The following FRMPD4 variants were observed in gnomAD, a reference collection of about 807,000 sequenced individuals.
FRMPD4 encodes FERM and PDZ domain-containing protein 4.
Under a neutral mutation model 94.1 loss-of-function variants are expected in FRMPD4, and 22 were observed. The ratio of observed to expected loss-of-function variants is 0.23; its 90% CI spans 0.17 to 0.33. FRMPD4 has a LOEUF of 0.33. Ranked by LOEUF, FRMPD4 falls within the 10% of genes least tolerant of loss-of-function variation. The probability of loss-of-function intolerance (pLI) is 1.00; values close to 1 mark genes in which losing one functional copy is unlikely to be tolerated. For missense variants in FRMPD4, 1,111 were observed against 1,339.9 expected (o/e 0.83, Z 2.67); for synonymous variants, 631 against 548.6 (o/e 1.15, Z -2.10).
intron 1 of FRMPD4, among the ~76,000 whole-genome samples, chrX:11,826,497 C>T (rs1006441798): frequency 9.0e-6 from 1 of 111,647 alleles, no homozygotes; most frequent in African/African-American, 3.3e-5. Flanking sequence ...GCTGATTGAA[C>T]AGGAAGGATA....
chrX:11,979,129 A>G (rs1329060662), intron 3 of FRMPD4, among the ~76,000 whole-genome samples: 1 of 111,397 alleles, frequency 9.0e-6, no homozygotes, highest in African/African-American at 3.3e-5. Context: ...CCACTCCCCA[A>G]GTACCGCTTC....
chrX:11,848,620 T>C (rs2053599154), intron 1 of FRMPD4, among the ~76,000 whole-genome samples: 1 of 109,838 alleles, frequency 9.1e-6, no homozygotes, highest in African/African-American at 3.3e-5. Context: ...CTGCTGTGCA[T>C]GTGCAGACTC....
chrX:12,270,596 T>C (rs1324027825), intron 1 of FRMPD4, among the ~76,000 whole-genome samples: 1 of 112,072 alleles, frequency 8.9e-6, no homozygotes, highest in Non-Finnish European at 1.9e-5. Context: ...GAGATAGATA[T>C]ATACATATAT....
At chrX:11,887,380 T>G (rs889269930) in intron 3 of FRMPD4, among the ~76,000 whole-genome samples, 4 of 111,110 alleles carry the variant, frequency 3.6e-5, no homozygotes, top group African/African-American at 1.3e-4. Flanking sequence ...CCACACCCTG[T>G]TCCCACATAC....
chrX:12,022,732 C>T (rs2054638360), intron 3 of FRMPD4, among the ~76,000 whole-genome samples: 1 of 111,569 alleles, frequency 9.0e-6, no homozygotes, highest in South Asian at 3.8e-4. Context: ...TGTATTTCTT[C>T]TACCGCCAAT....
intron 3 of FRMPD4, among the ~76,000 whole-genome samples, chrX:12,001,317 A>G (rs748568370): frequency 5.4e-4 from 61 of 112,345 alleles, no homozygotes; most frequent in Non-Finnish European, 1.0e-3. Context: ...TTCAAGGTGG[A>G]TCATGTGAAA....
rs367869996 is a variant in FRMPD4 at position 11,986,270 on chromosome X, T to C, written c.95+108252T>C. On this transcript the variant is annotated intron_variant, in intron 3 of 18. Transcript: ENST00000640291. ...ATCTCTGCTGGGTAATCCAAAGAAT[T>C]CTCCCAGATTTTATCCAAAACACAT... Among the ~76,000 whole-genome samples, 6 of 111,995 alleles carry C rather than the reference T, an allele frequency of 5.4e-5. No individual in the cohort carries two copies. In the East Asian group the frequency reaches 1.1e-3, roughly 21 times the overall value.
intron 1 of FRMPD4, among the ~76,000 whole-genome samples, chrX:11,844,235 G>C (rs1158652324): frequency 9.3e-6 from 1 of 107,951 alleles, no homozygotes; most frequent in African/African-American, 3.4e-5. Flanking sequence ...GACCTCAAGT[G>C]ATCCACCTGC....
chrX:11,930,122 A>AG (rs1569128024), intron 3 of FRMPD4, among the ~76,000 whole-genome samples: 1 of 102,436 alleles, frequency 9.8e-6, no homozygotes, highest in Non-Finnish European at 2.0e-5. Flanking sequence ...AAAAAAAAAA[A>AG]AAAAAAAAAA....
rs746340225 is a variant in FRMPD4 at position 11,884,598 on chromosome X, C to T, written c.95+6580C>T. ...TTATATATACACACATATACATATACACACAAACACACATACACATAATAT... is the reference window on the plus strand; with the variant it reads ...TTATATATACACACATATACATATATACACAAACACACATACACATAATAT... On this transcript the variant is annotated intron_variant, in intron 3 of 18. Transcript: ENST00000640291. 2.0e-4 allele frequency among the ~76,000 whole-genome samples: 22 copies of T among 111,179 alleles called. No homozygotes were observed. The South Asian group carries it at 8.4e-3, about 42-fold the overall frequency.
rs2055636462 is a variant in FRMPD4, at chrX:12,138,659, G to T, written c.-313G>T. The stretch of plus-strand genomic sequence containing the variant: ...CCCCGGGGCTAGAGCGCACGGGGCG[G>T]GGCGCGAGACCCGGGCCGCGCTCCC... On this transcript the variant is annotated 5_prime_UTR_variant, in exon 1 of 17. Transcript: ENST00000675598. The T allele has an allele frequency of 1.3e-5, 4 of 297,828 alleles. No individual in the cohort carries two copies. In the East Asian group the frequency reaches 1.4e-4, roughly 11 times the overall value. The allele number at this position is 297,828 out of a possible 1,213,427, so 24.5% of individuals were successfully genotyped here.
intron 3 of FRMPD4, among the ~76,000 whole-genome samples, chrX:11,979,645 A>G (rs1312724873): frequency 9.1e-6 from 1 of 110,385 alleles, no homozygotes; most frequent in Non-Finnish European, 1.9e-5. Context: ...ATCTTTTCAT[A>G]TGTTTATTGG....
intron 1 of FRMPD4, among the ~76,000 whole-genome samples, chrX:12,154,024 A>G (rs1424887249): frequency 1.8e-5 from 2 of 113,053 alleles, no homozygotes; most frequent in African/African-American, 3.2e-5. Flanking sequence ...TATGGCCTAC[A>G]AAGCCTGAAA....
chrX:12,653,956 A>G (rs1471146148), intron 4 of FRMPD4, among the ~76,000 whole-genome samples: 2 of 111,593 alleles, frequency 1.8e-5, no homozygotes, highest in South Asian at 3.7e-4. Flanking sequence ...TAGTAGAGAC[A>G]GGTTTTCACC....
At chrX:11,843,443 G>A (rs1428621400) in intron 1 of FRMPD4, among the ~76,000 whole-genome samples, 4 of 111,470 alleles carry the variant, frequency 3.6e-5, no homozygotes, top group Non-Finnish European at 7.5e-5. Flanking sequence ...CTACAAAATA[G>A]TGTTATACTT....
Position 12,307,766 on chromosome X carries a change from C to A in FRMPD4, c.41+168754C>A, listed in dbSNP as rs772012683. ...AATCAAAGAAAGCTATTGCAATCAT[C>A]TTGTGGAAGGGAAGGGGCCTTCACT... On this transcript the variant is annotated intron_variant, in intron 1 of 16. Coordinates refer to ENST00000675598, the MANE Select transcript of FRMPD4 (RefSeq NM_001368397.1). Among the ~76,000 whole-genome samples the A allele has an allele frequency of 2.7e-5, 3 of 111,907 alleles. No homozygotes were observed. In the South Asian group the frequency reaches 1.1e-3, roughly 43 times the overall value.
At chrX:11,868,353 AC>A (rs2053734353) in intron 2 of FRMPD4, among the ~76,000 whole-genome samples, 1 of 111,897 alleles carries the variant, frequency 8.9e-6, no homozygotes, top group African/African-American at 3.3e-5. Context: ...AAGGCTCATG[AC>A]CCAGGGGTTG....
intron 3 of FRMPD4, among the ~76,000 whole-genome samples, chrX:12,068,319 G>A (rs1052751667): frequency 2.7e-5 from 3 of 111,954 alleles, no homozygotes; most frequent in African/African-American, 6.5e-5. Context: ...TGCTTTAAGC[G>A]CCTAAATTTG....
At chrX:11,887,452 C>T (rs767427675) in intron 3 of FRMPD4, among the ~76,000 whole-genome samples, 1 of 112,166 alleles carries the variant, frequency 8.9e-6, no homozygotes, top group South Asian at 3.8e-4. Context: ...GCACATAGCC[C>T]CTCCAGTATG....
Sources: allele counts gnomAD v4.1 joint callset (sites outside exome capture counted in the v4.1 genomes callset), GRCh38; gene constraint gnomAD v4.1.1; transcripts MANE v1.5; gene names NCBI Gene and HGNC (gene_info 2026-07-23, HGNC 2026-07-21).